ZAN: variants seen among roughly 807,000 people sequenced by gnomAD.
ZAN encodes the protein zonadhesin (gene/pseudogene).
In ZAN, 260 loss-of-function variants were observed where a neutral mutation model predicts 286.2. The ratio of observed to expected loss-of-function variants is 0.91; its 90% confidence interval spans 0.82 to 1.01. ZAN has a LOEUF of 1.01. Ranked by LOEUF, ZAN falls within the 50% of genes least tolerant of loss-of-function variation. ZAN has a pLI of 0.00. For missense variants in ZAN, 3,410 were observed against 3,639.2 expected (o/e 0.94, Z 1.62); for synonymous variants, 1,368 against 1,417.5 (o/e 0.97, Z 0.79).
In ZAN at chr7:100,790,957, G is replaced by C; in HGVS notation, c.7373G>C (p.Ser2458Thr). 1.2e-6 allele frequency: 2 copies of C among 1,610,638 alleles called. No individual in the cohort carries two copies. The highest frequency in any genetic ancestry group is 1.3e-5 in the African/African-American group (1 of 74,512). ...GRKNAVISLP[S>T]MYEGLVSGLC... ...CCTCCCGCAGTGATCTCCCTACCCA[G>C]CATGTACGAGGGGCTTGTGAGTGGC... is the stretch of plus-strand genomic sequence containing the variant. The change falls in exon 40 of 48, where the codon AGC becomes ACC. Residue 2458 changes from serine to threonine, a missense_variant. By Grantham distance (58) the Ser-to-Thr change is moderately conservative. Around this residue, in one of 7 missense-constraint regions of ZAN, gnomAD observed 1,289 missense variants for 1,314.3 expected, o/e 0.98. Transcript: ENST00000613979.
chr7:100,793,784 G>A, intron 42 of ZAN, 36 bp from the exon 43 acceptor site: 1 of 1,551,588 alleles, frequency 6.4e-7, no homozygotes, highest in Non-Finnish European at 8.7e-7. Flanking sequence ...GGCCTGCCCA[G>A]CCCCAGCCAG....
chr7:100,752,982 A>AGAAAAACCCACCATCTCCACG lies in ZAN; in HGVS notation c.2893_2913dup (p.Ser965_Ile971dup), dbSNP rs1808875954. 5 of 1,606,254 alleles carry AGAAAAACCCACCATCTCCACG rather than the reference A, an allele frequency of 3.1e-6. No individual in the cohort carries two copies. Among genetic ancestry groups the AGAAAAACCCACCATCTCCACG allele is most frequent in the African/African-American group, 2.7e-5 (2 of 72,792 alleles). On this transcript the variant is annotated inframe_insertion, in exon 14 of 48. Coordinates refer to ENST00000613979, the MANE Select transcript of ZAN (RefSeq NM_003386.3). The stretch of plus-strand genomic sequence containing the variant: ...CCCCAGAAAAACTCACCATCCCCAC[A>AGAAAAACCCACCATCTCCACG]GAAAAACCCACCATCTCCACGGAAA...
At chr7:100,790,812 G>A (rs1277071166) in intron 39 of ZAN, 130 bp from the exon 40 acceptor site, 1 of 998,782 alleles carries the variant, frequency 1.0e-6, no homozygotes, top group Non-Finnish European at 1.4e-6. Flanking sequence ...GAAACCAGGA[G>A]GCGGAGGTTG....
chr7:100,779,579 G>T lies in ZAN; in HGVS notation c.6451G>T (p.Ala2151Ser). The T allele has an allele frequency of 1.9e-6, 3 of 1,609,804 alleles. No individual in the cohort carries two copies. Among genetic ancestry groups the T allele is most frequent in the Non-Finnish European group, 2.5e-6 (3 of 1,178,210 alleles). Residue 2151 changes from alanine to serine, a missense_variant, in exon 35 of 48, where the codon GCC becomes TCC. This residue lies in a region of ZAN where 1,289 missense variants were observed against 1,314.3 expected (regional missense o/e 0.98). Transcript: ENST00000613979. ...GGCAGCGCTCCGGGCTCCTGTGTGG[G>T]CCCAGTGCGCCTCCCGCATAGACCT... ...CEAALRAPVW[A>S]QCASRIDLTP...
Position 100,752,522 on chromosome 7 carries a change from A to G in ZAN, c.2417A>G (p.Glu806Gly), listed in dbSNP as rs1808802014. 6.2e-7 allele frequency: 1 copy of G among 1,612,588 alleles called. No homozygotes were observed. ...ISTEEPTTPTEETTISTEKPS... is the reference protein window; with the variant it reads ...ISTEEPTTPTGETTISTEKPS... ...ACAGAAGAGCCCACCACCCCCACTG[A>G]GGAGACCACCATCTCCACAGAAAAA... Residue 806 changes from glutamate (E) to glycine (G), a missense_variant, in exon 14 of 48, where the codon GAG becomes GGG. Physicochemically the swap from Glu to Gly is moderately conservative, Grantham distance 98. This residue lies in a region of ZAN where 90 missense variants were observed against 87.1 expected (regional missense o/e 1.03). Coordinates refer to ENST00000613979, the MANE Select transcript of ZAN (RefSeq NM_003386.3).
intron 11 of ZAN, among the ~76,000 whole-genome samples, chr7:100,749,654 ATATATAT>A (rs1808497192): frequency 1.2e-5 from 1 of 80,456 alleles, no homozygotes; most frequent in Non-Finnish European, 2.8e-5. Flanking sequence ...AAAAAAAAAT[ATATATAT>A]ATATATATAT....
At chr7:100,756,728 A>C (rs1809175935) in intron 15 of ZAN, among the ~76,000 whole-genome samples, 1 of 150,190 alleles carries the variant, frequency 6.7e-6, no homozygotes. Context: ...CTATTCACTC[A>C]CAGTTCTCTA....
intron 34 of ZAN, 127 bp downstream of exon 34, chr7:100,776,691 TTTCTC>T: frequency 1.7e-6 from 1 of 575,400 alleles, no homozygotes. Flanking sequence ...CCTTTCTCTC[TTTCTC>T]TTTCTTTTCT....
rs1440532296 is a variant in ZAN at position 100,762,301 on chromosome 7, CAGG to C, written c.3932_3934del (p.Gly1311del). 1 of 1,613,458 alleles carries C rather than the reference CAGG, an allele frequency of 6.2e-7. No homozygotes were observed. Among genetic ancestry groups the C allele is most frequent in the Non-Finnish European group, 8.5e-7 (1 of 1,179,776 alleles). ...CACCTGAAGTTGGACGGCAGCCCAG[CAGG>C]AGACAAGGAGGAGCTGGGGAACAGC... On this transcript the variant is annotated inframe_deletion, in exon 20 of 48. Transcript: ENST00000613979.
rs780458205 is a variant in ZAN at position 100,779,450 on chromosome 7, CAG to C, written c.6325_6326del (p.Leu2110ProfsTer4). On this transcript the variant is annotated frameshift_variant, in exon 35 of 48. Transcript: ENST00000613979. LOFTEE classifies it high-confidence loss of function. ...WKDKDIDPSCQSLLVDEQQIP... is the reference protein window; with the variant it reads ...WKDKDIDPSCXSLLVDEQQIP... Reference sequence around the variant, plus strand: ...CTGATTCTTTTCCCTTCCCAGTTGTCAGAGTCTCCTGGTAGATGAGCAGCAGA... The same window carrying C: ...CTGATTCTTTTCCCTTCCCAGTTGTCAGTCTCCTGGTAGATGAGCAGCAGA... 6.2e-6 allele frequency: 10 copies of C among 1,601,278 alleles called. No individual in the cohort carries two copies. Among genetic ancestry groups the C allele is most frequent in the Admixed American group, 5.0e-5 (3 of 59,624 alleles).
At position 100,775,419 on chromosome 7, in the gene ZAN, G is replaced by A; in HGVS notation, c.5871G>A (p.Leu1957=). Reference sequence around the variant, plus strand: ...TCCCGGACGCCTGCACTCTTGTCCTGGTGAAAGTGTGCCACCCCGCCATGG... The same window carrying A: ...TCCCGGACGCCTGCACTCTTGTCCTAGTGAAAGTGTGCCACCCCGCCATGG... ...HSIPDACTLV[L]VKVCHPAMAL... The change falls in exon 32 of 48, where the codon CTG becomes CTA. Residue 1957 remains leucine (L), a synonymous_variant. Coordinates refer to ENST00000613979, the MANE Select transcript of ZAN (RefSeq NM_003386.3). 1 of 1,613,936 alleles carries A rather than the reference G, an allele frequency of 6.2e-7. No individual in the cohort carries two copies. The highest frequency in any genetic ancestry group is 1.1e-5 in the South Asian group (1 of 91,090).
chr7:100,770,018 G>A, intron 28 of ZAN, 44 bp downstream of exon 28: 2 of 1,518,332 alleles, frequency 1.3e-6, no homozygotes, highest in Non-Finnish European at 1.8e-6. Flanking sequence ...CTGAAGGACA[G>A]GAGGCTGGGG....
At chr7:100,748,033 A>C in intron 9 of ZAN, 104 bp from the exon 10 acceptor site, 3 of 864,974 alleles carry the variant, frequency 3.5e-6, no homozygotes, top group Non-Finnish European at 5.6e-6. Context: ...GGGTCTGGGC[A>C]CAGGGAGTAG....
chr7:100,751,724 C>T lies in ZAN; in HGVS notation c.1619C>T (p.Pro540Leu), dbSNP rs191638834. Residue 540 changes from proline (P) to leucine (L), a missense_variant, in exon 14 of 48, where the codon CCA becomes CTA. Transcript: ENST00000613979. ...NPGTCPVKVL[P>L]ELPPVSPVSS... Reference sequence around the variant, plus strand: ...TTTTTCTTTGCAGTAAAAGTGCTACCAGAGCTTCCTCCCGTATCTCCAGTT... The same window carrying T: ...TTTTTCTTTGCAGTAAAAGTGCTACTAGAGCTTCCTCCCGTATCTCCAGTT... 1.4e-4 allele frequency: 222 copies of T among 1,582,198 alleles called. No homozygotes were observed. The Admixed American group carries it at 4.3e-3, about 31-fold the overall frequency.
At position 100,784,705 on chromosome 7, in the gene ZAN, T is replaced by C; in HGVS notation, c.6705T>C (p.Cys2235=). ...CCTGCTGGGACCTGGATGGCCGGTGTGAGGGCGCCAAAGTCCCCTCTGCCT... is the reference window on the plus strand; with the variant it reads ...CCTGCTGGGACCTGGATGGCCGGTGCGAGGGCGCCAAAGTCCCCTCTGCCT... The part of the protein sequence containing the change: ...SPSCWDLDGR[C]EGAKVPSACA... The change falls in exon 36 of 48, where the codon TGT becomes TGC. Residue 2235 remains cysteine (C), a synonymous_variant. Transcript: ENST00000613979. 1 of 1,613,936 alleles carries C rather than the reference T, an allele frequency of 6.2e-7. No individual in the cohort carries two copies. Among genetic ancestry groups the C allele is most frequent in the East Asian group, 2.2e-5 (1 of 44,870 alleles).
intron 15 of ZAN, among the ~76,000 whole-genome samples, chr7:100,757,509 C>G (rs1320398995): frequency 6.6e-6 from 1 of 150,736 alleles, no homozygotes; most frequent in Non-Finnish European, 1.5e-5. Context: ...AATCCTAGCA[C>G]TTTGGGAGGC....
chr7:100,792,982 CAAAA>C (rs1232116032), intron 42 of ZAN, among the ~76,000 whole-genome samples: 20 of 50,992 alleles, frequency 3.9e-4, no homozygotes, highest in South Asian at 1.4e-3. Flanking sequence ...CATCCTATCT[CAAAA>C]AAAAAAAAAA....
Position 100,739,585 on chromosome 7 carries a change from C to T in ZAN, c.766+972C>T, listed in dbSNP as rs1369920934. 2.2e-5 allele frequency among the ~76,000 whole-genome samples: 3 copies of T among 136,218 alleles called. 1 individual carries two copies. Among genetic ancestry groups the T allele is most frequent in the African/African-American group, 7.9e-5 (3 of 37,868 alleles). 89.4% of individuals were successfully genotyped at this position (136,218 alleles called of 152,430 possible). The stretch of plus-strand genomic sequence containing the variant: ...AGACGGGAGGATCACCTCAAGTGAT[C>T]TGCCCACTTTGGCCTCCCAAAGTGC... On this transcript the variant is annotated intron_variant, in intron 7 of 47. Transcript: ENST00000613979.
intron 27 of ZAN, among the ~76,000 whole-genome samples, chr7:100,768,991 C>T (rs761628527): frequency 2.6e-5 from 4 of 152,154 alleles, no homozygotes; most frequent in Non-Finnish European, 5.9e-5. Flanking sequence ...TGAGGTCTAG[C>T]CTTTTTCCTT....
Sources: allele counts gnomAD v4.1 joint callset (sites outside exome capture counted in the v4.1 genomes callset), GRCh38; gene constraint gnomAD v4.1.1; regional missense constraint gnomAD v4.1.1; transcripts MANE v1.5; gene names NCBI Gene and HGNC (gene_info 2026-07-23, HGNC 2026-07-21).